PDE4D: variants seen among roughly 807,000 people sequenced by gnomAD.
The protein encoded by PDE4D is 3',5'-cyclic-AMP phosphodiesterase 4D.
A neutral mutation model predicts 87.4 loss-of-function variants in PDE4D; 24 were observed. The observed-to-expected ratio is 0.27, with a 90% confidence interval of 0.20 to 0.39. The LOEUF is 0.39. PDE4D is among the 10% of genes least tolerant of loss of function. The pLI, the probability that PDE4D is intolerant of heterozygous loss-of-function variation, is 1.00. For missense variants in PDE4D, 714 were observed against 1,041.0 expected, an observed-to-expected ratio of 0.69 and a Z score of 4.32; for synonymous variants, 384 against 383.2, an observed-to-expected ratio of 1.00 and a Z score of -0.02.
chr5:59,411,136 C>A (rs1038581732), intron 1 of PDE4D, among the ~76,000 whole-genome samples: 1 of 152,150 alleles, frequency 6.6e-6, no homozygotes, highest in African/African-American at 2.4e-5. Flanking sequence ...TCCACCTTCC[C>A]CCCTTTTTAA....
chr5:60,088,798 A>G (rs1201137098), intron 2 of PDE4D, among the ~76,000 whole-genome samples: 1 of 152,040 alleles, frequency 6.6e-6, no homozygotes, highest in Admixed American at 6.5e-5. Context: ...CAAGATAGCA[A>G]TACTAAATCC....
chr5:59,106,578 T>G (rs1771616250), intron 5 of PDE4D, among the ~76,000 whole-genome samples: 1 of 152,088 alleles, frequency 6.6e-6, no homozygotes, highest in African/African-American at 2.4e-5. Flanking sequence ...CTGACCAACA[T>G]GGTGAAACCC....
At chr5:60,181,058 G>A (rs1186140948) in intron 2 of PDE4D, among the ~76,000 whole-genome samples, 1 of 152,066 alleles carries the variant, frequency 6.6e-6, no homozygotes, top group African/African-American at 2.4e-5. Flanking sequence ...CAGGGTAATT[G>A]TGAGGAAAAA....
At chr5:60,148,306 T>A (rs938207816) in intron 2 of PDE4D, among the ~76,000 whole-genome samples, 1 of 152,100 alleles carries the variant, frequency 6.6e-6, no homozygotes, top group Non-Finnish European at 1.5e-5. Context: ...TTTAACCAAC[T>A]GGGGATTAAA....
At chr5:59,762,206 G>A (rs567376723) in intron 1 of PDE4D, among the ~76,000 whole-genome samples, 46 of 125,168 alleles carry the variant, frequency 3.7e-4, no homozygotes, top group Admixed American at 2.6e-3. Flanking sequence ...ACACATATGC[G>A]TATATGTGTA....
At chr5:60,304,362 AG>A (rs1754238366) in intron 1 of PDE4D, among the ~76,000 whole-genome samples, 1 of 151,936 alleles carries the variant, frequency 6.6e-6, no homozygotes, top group South Asian at 2.1e-4. Context: ...TGGAGAGAGA[AG>A]GGCCGGGCGC....
intron 1 of PDE4D, among the ~76,000 whole-genome samples, chr5:59,417,240 T>G (rs1466651025): frequency 6.6e-6 from 1 of 152,180 alleles, no homozygotes; most frequent in Non-Finnish European, 1.5e-5. Context: ...AAGTACTATA[T>G]CTATTGATTA....
intron 1 of PDE4D, among the ~76,000 whole-genome samples, chr5:59,652,091 G>A (rs1242185473): frequency 1.3e-5 from 2 of 152,192 alleles, no homozygotes; most frequent in Non-Finnish European, 2.9e-5. Context: ...CTGCATTGCA[G>A]ACCAACTTCT....
At chr5:59,079,666 T>TTAATAATAATAATAATAATAATAATAA (rs148255590) in intron 5 of PDE4D, among the ~76,000 whole-genome samples, 6 of 146,136 alleles carry the variant, frequency 4.1e-5, no homozygotes, top group Non-Finnish European at 6.0e-5. Context: ...CTCTACAAAA[T>TTAATAATAATAATAATAATAATAATAA]TAATAATAAT....
chr5:59,672,272 G>A (rs574618805), intron 1 of PDE4D, among the ~76,000 whole-genome samples: 1 of 152,190 alleles, frequency 6.6e-6, no homozygotes, highest in Non-Finnish European at 1.5e-5. Flanking sequence ...AGAAAGTGAA[G>A]AGAGGCCAAA....
chr5:59,181,301 C>A (rs1433986814), intron 4 of PDE4D, among the ~76,000 whole-genome samples: 1 of 151,164 alleles, frequency 6.6e-6, no homozygotes, highest in Non-Finnish European at 1.5e-5. Context: ...CACAAAATGA[C>A]TATAAACCCC....
intron 1 of PDE4D, among the ~76,000 whole-genome samples, chr5:59,636,690 T>A (rs1334002116): frequency 6.6e-6 from 1 of 152,214 alleles, no homozygotes; most frequent in Non-Finnish European, 1.5e-5. Flanking sequence ...TTGGGAAAAC[T>A]GGCTAGCCAT....
At chr5:60,322,393 C>T (rs991828763) in intron 1 of PDE4D, among the ~76,000 whole-genome samples, 3 of 150,938 alleles carry the variant, frequency 2.0e-5, no homozygotes, top group South Asian at 2.1e-4. Flanking sequence ...CACACACACA[C>T]ACACACACAC....
chr5:59,900,245 A>AG (rs1394456762), intron 3 of PDE4D, among the ~76,000 whole-genome samples: 1 of 104,982 alleles, frequency 9.5e-6, no homozygotes, highest in African/African-American at 3.8e-5. Flanking sequence ...ATATCAAAAA[A>AG]AAATATATAT....
At chr5:59,869,294 G>A (rs1747482340) in intron 1 of PDE4D, among the ~76,000 whole-genome samples, 1 of 152,138 alleles carries the variant, frequency 6.6e-6, no homozygotes, top group Admixed American at 6.6e-5. Flanking sequence ...AGAAGTAGGG[G>A]GTTAATAGGC....
At chr5:60,315,751 C>T (rs1755518174) in intron 1 of PDE4D, among the ~76,000 whole-genome samples, 1 of 152,120 alleles carries the variant, frequency 6.6e-6, no homozygotes, top group Non-Finnish European at 1.5e-5. Context: ...GGAATCCTTT[C>T]CCCATTCCTT....
intron 5 of PDE4D, among the ~76,000 whole-genome samples, chr5:59,048,125 A>C (rs1760998825): frequency 1.3e-5 from 2 of 152,192 alleles, no homozygotes; most frequent in South Asian, 4.1e-4. Flanking sequence ...CCAAACACAT[A>C]TTTCAGCAAC....
At chr5:60,240,842 A>G (rs1378683472) in intron 1 of PDE4D, among the ~76,000 whole-genome samples, 1 of 152,146 alleles carries the variant, frequency 6.6e-6, no homozygotes, top group Non-Finnish European at 1.5e-5. Context: ...CCCCCGATGC[A>G]GATATGGCTT....
chr5:59,461,519 G>C (rs192097141), intron 1 of PDE4D, among the ~76,000 whole-genome samples: 1 of 152,194 alleles, frequency 6.6e-6, no homozygotes, highest in Admixed American at 6.5e-5. Context: ...AGACCATCTG[G>C]CTACCTAGGT....
Sources: allele counts gnomAD v4.1 joint callset (sites outside exome capture counted in the v4.1 genomes callset), GRCh38; gene constraint gnomAD v4.1.1; transcripts MANE v1.5; gene names NCBI Gene and HGNC (gene_info 2026-07-23, HGNC 2026-07-21).